The following MAMLD1 variants were observed in gnomAD, a reference collection of about 807,000 sequenced individuals.
MAMLD1 encodes mastermind-like domain-containing protein 1.
In MAMLD1, 14 loss-of-function variants were observed where a neutral mutation model predicts 45.0. The observed-to-expected ratio is 0.31, with a 90% confidence interval of 0.21 to 0.49. The LOEUF (loss-of-function observed/expected upper bound fraction) is 0.49. Ranked by LOEUF, MAMLD1 falls within the 20% of genes least tolerant of loss-of-function variation. The pLI is 0.99. For missense variants in MAMLD1, 543 were observed against 603.6 expected, an observed-to-expected ratio of 0.90 and a Z score of 1.05; for synonymous variants, 254 against 247.8, an observed-to-expected ratio of 1.02 and a Z score of -0.24.
chrX:150,398,332 GAAGAA>G (rs1569564621), intron 1 of MAMLD1, among the ~76,000 whole-genome samples: 143 of 80,270 alleles, frequency 1.8e-3, no homozygotes, highest in African/African-American at 2.3e-3. Context: ...AGAAGAAGAA[GAAGAA>G]GAAGAGGAAG....
At chrX:150,445,384 G>C (rs1279584966) in intron 1 of MAMLD1, 70 bp from the exon 2 acceptor site, 7 of 517,513 alleles carry the variant, frequency 1.4e-5, no homozygotes, top group Non-Finnish European at 2.5e-5. Context: ...CAGAGTGAAA[G>C]TCTGTGATTC....
intron 1 of MAMLD1, among the ~76,000 whole-genome samples, chrX:150,412,601 G>A (rs1157834170): frequency 9.0e-6 from 1 of 111,299 alleles, no homozygotes; most frequent in African/African-American, 3.3e-5. Context: ...AGCCCTTACA[G>A]AGTTGTTACA....
intron 1 of MAMLD1, among the ~76,000 whole-genome samples, chrX:150,371,767 G>C (rs868911138): frequency 1.8e-5 from 2 of 111,841 alleles, no homozygotes; most frequent in South Asian, 3.8e-4. Context: ...ACAGGACCCA[G>C]CTCTGCCTTC....
chrX:150,440,384 G>A, intron 1 of MAMLD1, among the ~76,000 whole-genome samples: 1 of 108,540 alleles, frequency 9.2e-6, no homozygotes, highest in Non-Finnish European at 1.9e-5. Flanking sequence ...ACAATGAGTT[G>A]GGAGGTGTTT....
chrX:150,505,740 C>T (rs1569565057), intron 6 of MAMLD1, among the ~76,000 whole-genome samples: 1 of 112,863 alleles, frequency 8.9e-6, no homozygotes, highest in East Asian at 2.8e-4. Context: ...AGCTGAGTCA[C>T]AGGCTCTGAG....
chrX:150,395,965 G>C (rs1321197371), intron 1 of MAMLD1, among the ~76,000 whole-genome samples: 1 of 107,624 alleles, frequency 9.3e-6, no homozygotes, highest in Non-Finnish European at 1.9e-5. Flanking sequence ...TGCTTACTTA[G>C]GGTTTAATGT....
At chrX:150,489,117 A>G (rs986510274) in intron 5 of MAMLD1, among the ~76,000 whole-genome samples, 1 of 112,613 alleles carries the variant, frequency 8.9e-6, no homozygotes, top group Non-Finnish European at 1.9e-5. Context: ...AAACTCAGGC[A>G]GAAATGAACC....
chrX:150,513,914 G>C lies in MAMLD1; in HGVS notation c.*1955G>C. On this transcript the variant is annotated 3_prime_UTR_variant, in exon 8 of 8. Coordinates refer to ENST00000370401, the MANE Select transcript of MAMLD1 (RefSeq NM_005491.5). ...GTTTTGATGTAAGGCTCTGTGGTTT[G>C]GGGGGGAACATCTGTAAACATTATT... is the stretch of plus-strand genomic sequence containing the variant. The C allele has an allele frequency of 3.4e-6, 1 of 296,721 alleles. No individual in the cohort carries two copies. Among genetic ancestry groups the C allele is most frequent in the Non-Finnish European group, 5.9e-6 (1 of 169,813 alleles). The allele number at this position is 296,721 out of a possible 1,213,427, so 24.5% of individuals were successfully genotyped here. A position where few individuals can be genotyped will look rare whatever the true frequency, so the allele number is the denominator to read the frequency against.
At chrX:150,380,126 C>G (rs2032529586) in intron 1 of MAMLD1, among the ~76,000 whole-genome samples, 1 of 111,937 alleles carries the variant, frequency 8.9e-6, no homozygotes, top group Non-Finnish European at 1.9e-5. Flanking sequence ...AAGATTGTAC[C>G]AATTTGCATT....
At chrX:150,450,062 C>T (rs1278885339) in intron 2 of MAMLD1, among the ~76,000 whole-genome samples, 1 of 111,758 alleles carries the variant, frequency 8.9e-6, no homozygotes, top group Non-Finnish European at 1.9e-5. Context: ...ACTCCTATTC[C>T]CAGATTAGGA....
intron 2 of MAMLD1, among the ~76,000 whole-genome samples, chrX:150,453,736 T>C (rs781806868): frequency 9.0e-6 from 1 of 111,640 alleles, no homozygotes; most frequent in Non-Finnish European, 1.9e-5. Context: ...CCCTGGTGCA[T>C]TGTGTGACAG....
chrX:150,491,506 G>T (rs1275577379), intron 5 of MAMLD1, among the ~76,000 whole-genome samples: 2 of 112,186 alleles, frequency 1.8e-5, no homozygotes, highest in Non-Finnish European at 3.8e-5. Context: ...CAGAGCCCCA[G>T]CTGTTGACCT....
chrX:150,451,971 G>A (rs1557405086), intron 2 of MAMLD1, among the ~76,000 whole-genome samples: 2 of 111,840 alleles, frequency 1.8e-5, no homozygotes, highest in East Asian at 5.7e-4. Flanking sequence ...AGGCAGGGCT[G>A]GCATAGGTGC....
chrX:150,367,733 C>T (rs1360818014), intron 1 of MAMLD1, among the ~76,000 whole-genome samples: 14 of 107,676 alleles, frequency 1.3e-4, no homozygotes, highest in Middle Eastern at 4.2e-3. Flanking sequence ...CGACAGGCCC[C>T]GGTGTGTGAT....
At chrX:150,405,493 T>TGG (rs2033970965) in intron 1 of MAMLD1, among the ~76,000 whole-genome samples, 2 of 111,440 alleles carry the variant, frequency 1.8e-5, no homozygotes, top group African/African-American at 6.5e-5. Flanking sequence ...GAAGAATGAA[T>TGG]GGGCAGTTTT....
chrX:150,375,596 C>G (rs782487767), intron 1 of MAMLD1, among the ~76,000 whole-genome samples: 1 of 112,704 alleles, frequency 8.9e-6, no homozygotes. Flanking sequence ...AAAGAGAGAA[C>G]TGTTTTTGCT....
chrX:150,370,648 G>A lies in MAMLD1; in HGVS notation c.-64+7118G>A, dbSNP rs782209554. On this transcript the variant is annotated intron_variant, in intron 1 of 7. Coordinates refer to ENST00000370401, the MANE Select transcript of MAMLD1 (RefSeq NM_005491.5). Reference sequence around the variant, plus strand: ...AAGAGCATTTTCTTCCAGAGGTGGAGACAGAAGCAAAAGAGTTGGGTTACC... The same window carrying A: ...AAGAGCATTTTCTTCCAGAGGTGGAAACAGAAGCAAAAGAGTTGGGTTACC... Among the ~76,000 whole-genome samples, 3 of 111,578 alleles carry A rather than the reference G, an allele frequency of 2.7e-5. No homozygotes were observed. In the East Asian group the frequency reaches 8.5e-4, roughly 32 times the overall value.
chrX:150,451,181 A>C (rs1602855557), intron 2 of MAMLD1, among the ~76,000 whole-genome samples: 1 of 112,433 alleles, frequency 8.9e-6, no homozygotes, highest in African/African-American at 3.2e-5. Flanking sequence ...TGGTTTATGC[A>C]GGCACCTGGG....
chrX:150,436,378 T>C (rs1557404287), intron 1 of MAMLD1, among the ~76,000 whole-genome samples: 1 of 112,046 alleles, frequency 8.9e-6, no homozygotes, highest in Admixed American at 9.4e-5. Flanking sequence ...AGATGTGATC[T>C]TTTTGTATAA....
Sources: gnomAD v4.1 joint callset for allele counts (sites outside exome capture counted in the v4.1 genomes callset) on GRCh38, gnomAD v4.1.1 for gene constraint, MANE v1.5 for transcripts, NCBI Gene and HGNC (gene_info 2026-07-23, HGNC 2026-07-21) for gene names.